Variants in RNF170 observed in about 807,000 individuals in gnomAD.
RNF170 encodes the protein ring finger protein 170.
A neutral mutation model predicts 32.7 loss-of-function variants in RNF170; 12 were observed. The observed-to-expected ratio is 0.37, with a 90% confidence interval of 0.24 to 0.60. RNF170 has a LOEUF of 0.60. Among genes scored for constraint, RNF170 ranks in the 20% least tolerant of loss-of-function variants. RNF170 has a pLI of 0.72. For missense variants in RNF170, 212 were observed against 311.2 expected (o/e 0.68, Z 2.40); for synonymous variants, 91 against 103.6 (o/e 0.88, Z 0.74).
chr8:42,850,811 T>C, downstream of RNF170: 4 of 1,551,528 alleles, frequency 2.6e-6, no homozygotes, highest in Non-Finnish European at 3.5e-6. Context: ...AACCAAAGGA[T>C]GGAAACACAG....
At chr8:42,880,300 A>G (rs1262861391) in intron 2 of RNF170, among the ~76,000 whole-genome samples, 1 of 152,224 alleles carries the variant, frequency 6.6e-6, no homozygotes, top group African/African-American at 2.4e-5. Context: ...GATTTAAAAT[A>G]TTACATAAAC....
chr8:42,857,601 G>A (rs571848134), intron 6 of RNF170, among the ~76,000 whole-genome samples: 1 of 152,318 alleles, frequency 6.6e-6, no homozygotes, highest in South Asian at 2.1e-4. Flanking sequence ...AACTTTGAAG[G>A]AGGCAGAATA....
rs536652696 is a variant in RNF170, at chr8:42,867,987, T to C, written c.322+2017A>G. Among the ~76,000 whole-genome samples, 5 of 152,174 alleles carry C rather than the reference T, an allele frequency of 3.3e-5. No homozygotes were observed. In the South Asian group the frequency reaches 8.3e-4, roughly 25 times the overall value. ...GGAAAGGAGTGTCACGTGGATTAGG[T>C]TCAAGAGGAGAAACGTATCTGCCTT... On this transcript the variant is annotated intron_variant, in intron 4 of 6. Transcript: ENST00000527424.
chr8:42,856,681 T>C (rs769640122), intron 6 of RNF170, among the ~76,000 whole-genome samples: 1 of 152,156 alleles, frequency 6.6e-6, no homozygotes, highest in Non-Finnish European at 1.5e-5. Flanking sequence ...GATATAGTAA[T>C]GCAAAACTCA....
chr8:42,888,135 A>G (rs949046459), intron 1 of RNF170, among the ~76,000 whole-genome samples: 1 of 151,960 alleles, frequency 6.6e-6, no homozygotes, highest in African/African-American at 2.4e-5. Flanking sequence ...TGCGGATCTC[A>G]GCTCACTGCA....
In RNF170 at chr8:42,855,661, T is replaced by G; in HGVS notation, c.*498A>C. The G allele has an allele frequency of 1.6e-6, 2 of 1,285,092 alleles. No individual in the cohort carries two copies. Among genetic ancestry groups the G allele is most frequent in the Non-Finnish European group, 2.0e-6 (2 of 987,306 alleles). The allele number at this position is 1,285,092 out of a possible 1,614,324, so 79.6% of individuals were successfully genotyped here. ...AATGAAAAGGCAGAACTGCTCCAAA[T>G]GCACAAAACTTAGCTAGCACTAAAA... On this transcript the variant is annotated 3_prime_UTR_variant, in exon 7 of 7. Transcript: ENST00000527424.
At chr8:42,879,362 C>CT (rs922497289) in intron 2 of RNF170, among the ~76,000 whole-genome samples, 23 of 152,096 alleles carry the variant, frequency 1.5e-4, no homozygotes, top group Non-Finnish European at 2.5e-4. Context: ...TCAGAACATT[C>CT]TTTTTTTTGG....
chr8:42,890,864 G>T (rs1231273631), intron 1 of RNF170, among the ~76,000 whole-genome samples: 1 of 152,124 alleles, frequency 6.6e-6, no homozygotes, highest in Non-Finnish European at 1.5e-5. Context: ...GAGTAAAAAA[G>T]CAACTGCAGG....
intron 2 of RNF170, among the ~76,000 whole-genome samples, chr8:42,877,869 AT>A (rs1322557487): frequency 6.6e-6 from 1 of 152,238 alleles, no homozygotes; most frequent in African/African-American, 2.4e-5. Context: ...TTGGCAAATC[AT>A]ATACAGGAAA....
At chr8:42,849,658 G>A (rs1347161886), downstream of RNF170, 1 of 152,186 alleles carries the variant, frequency 6.6e-6, no homozygotes, top group African/African-American at 2.4e-5. Flanking sequence ...TAGTTTATTA[G>A]CATTACCATG....
chr8:42,860,779 G>C (rs987701384), intron 6 of RNF170, among the ~76,000 whole-genome samples: 1 of 151,856 alleles, frequency 6.6e-6, no homozygotes, highest in Admixed American at 6.6e-5. Context: ...GTGCAGTGGC[G>C]TGATATCGGC....
downstream of RNF170, chr8:42,850,926 C>G (rs779553367): frequency 2.0e-5 from 31 of 1,551,050 alleles, no homozygotes; most frequent in Non-Finnish European, 2.6e-5. Flanking sequence ...CAGGAGAGTT[C>G]TGTGTGTCCA....
At chr8:42,894,293 C>T (rs1180024670) in intron 1 of RNF170, among the ~76,000 whole-genome samples, 1 of 152,196 alleles carries the variant, frequency 6.6e-6, no homozygotes, top group Non-Finnish European at 1.5e-5. Flanking sequence ...ACCGGGGCCA[C>T]TGGAGGAAGG....
At chr8:42,861,949 T>C in intron 5 of RNF170, 94 bp from the exon 6 acceptor site, 4 of 1,302,864 alleles carry the variant, frequency 3.1e-6, no homozygotes, top group Non-Finnish European at 4.1e-6. Flanking sequence ...TAAAGGCTTC[T>C]ATATTTATAT....
downstream of RNF170, chr8:42,849,782 T>A (rs10087388): frequency 0.42 from 63,442 of 152,116 alleles, 17,753 homozygotes; most frequent in African/African-American, 0.8. Context: ...AGTTCCCTGA[T>A]ATTGTTTTCT....
chr8:42,889,106 A>C (rs1449695827), intron 1 of RNF170, among the ~76,000 whole-genome samples: 3 of 152,232 alleles, frequency 2.0e-5, no homozygotes, highest in Non-Finnish European at 4.4e-5. Flanking sequence ...AGCTATACTA[A>C]AACTACTTGA....
chr8:42,860,496 C>T (rs1315009317), intron 6 of RNF170, among the ~76,000 whole-genome samples: 4 of 151,852 alleles, frequency 2.6e-5, no homozygotes, highest in African/African-American at 9.7e-5. Flanking sequence ...GATCTCAGCT[C>T]ACTGCAACCT....
At chr8:42,890,171 C>A (rs1427549786) in intron 1 of RNF170, among the ~76,000 whole-genome samples, 1 of 150,792 alleles carries the variant, frequency 6.6e-6, no homozygotes, top group Non-Finnish European at 1.5e-5. Flanking sequence ...CTTCAAGGTG[C>A]AATCAATGGT....
At position 42,855,038 on chromosome 8, in the gene RNF170, T is replaced by C. The variant is rs548732850; in HGVS notation, c.*1121A>G. On this transcript the variant is annotated 3_prime_UTR_variant, in exon 7 of 7. Transcript: ENST00000527424. ...TCCCAGTACCTTCCTATTGGCTTGA[T>C]GCTCAAAGACACGAAGATTCACCTT... is the stretch of plus-strand genomic sequence containing the variant. 3 of 1,287,136 alleles carry C rather than the reference T, an allele frequency of 2.3e-6. No homozygotes were observed. The highest frequency in any genetic ancestry group is 1.2e-5 in the South Asian group (1 of 80,940). 79.7% of individuals were successfully genotyped at this position (1,287,136 alleles called of 1,614,324 possible).
Sources: allele counts gnomAD v4.1 joint callset (sites outside exome capture counted in the v4.1 genomes callset), GRCh38; gene constraint gnomAD v4.1.1; transcripts MANE v1.5; gene names NCBI Gene and HGNC (gene_info 2026-07-23, HGNC 2026-07-21).